The following DPY19L3 variants were observed in gnomAD, a reference collection of about 807,000 sequenced individuals.
DPY19L3 encodes protein C-mannosyl-transferase DPY19L3.
Under a neutral mutation model 92.3 loss-of-function variants are expected in DPY19L3, and 51 were observed. That is an observed-to-expected ratio of 0.55 (90% CI 0.44 to 0.70). The LOEUF is 0.70. Ranked by LOEUF, DPY19L3 falls within the 30% of genes least tolerant of loss-of-function variation. The probability of loss-of-function intolerance (pLI) is 0.00; values close to 1 mark genes in which losing one functional copy is unlikely to be tolerated. For missense variants in DPY19L3, 706 were observed against 855.9 expected, an observed-to-expected ratio of 0.82 and a Z score of 2.18; for synonymous variants, 309 against 315.2, an observed-to-expected ratio of 0.98 and a Z score of 0.21.
At chr19:32,432,844 A>C (rs768514277) in intron 4 of DPY19L3, 38 bp downstream of exon 4, 2 of 1,580,036 alleles carry the variant, frequency 1.3e-6, no homozygotes, top group African/African-American at 2.7e-5. Context: ...GGTCTCCTGC[A>C]TTTTTTTCAA....
Position 32,482,476 on chromosome 19 carries a change from A to G in DPY19L3, c.*236A>G, listed in dbSNP as rs1164620523. 1.8e-5 allele frequency: 8 copies of G among 451,750 alleles called. No individual in the cohort carries two copies. The highest frequency in any genetic ancestry group is 3.9e-5 in the Admixed American group (1 of 25,408). The allele number at this position is 451,750 out of a possible 1,614,324, so 28.0% of individuals were successfully genotyped here. ...ATGTTCTTTAGCCTAAATGTTAACAACTTTCTAAGAGTGACCTAGAATTAT... is the reference window on the plus strand; with the variant it reads ...ATGTTCTTTAGCCTAAATGTTAACAGCTTTCTAAGAGTGACCTAGAATTAT... On this transcript the variant is annotated 3_prime_UTR_variant, in exon 19 of 19. Transcript: ENST00000392250.
chr19:32,408,224 T>A lies in DPY19L3; in HGVS notation c.-30T>A, dbSNP rs943434576. The A allele has an allele frequency of 6.5e-7, 1 of 1,534,518 alleles. No individual in the cohort carries two copies. Among genetic ancestry groups the A allele is most frequent in the African/African-American group, 1.4e-5 (1 of 72,976 alleles). On this transcript the variant is annotated 5_prime_UTR_variant, in exon 2 of 19. It adds an upstream start codon to the 5' untranslated region. Coordinates refer to ENST00000392250, the MANE Select transcript of DPY19L3 (RefSeq NM_001172774.2). ...CTGTTTATTGCTATCTAGGAGTGAT[T>A]TGGAGAACAATGCATGTAAGTCTGA...
At chr19:32,463,741 A>G (rs1970114275) in intron 13 of DPY19L3, 128 bp from the exon 14 acceptor site, 1 of 902,554 alleles carries the variant, frequency 1.1e-6, no homozygotes, top group Admixed American at 2.3e-5. Context: ...CCTTCGGCAA[A>G]TGGCATCTGC....
At chr19:32,454,706 A>T (rs1045033185) in intron 9 of DPY19L3, among the ~76,000 whole-genome samples, 2 of 152,218 alleles carry the variant, frequency 1.3e-5, no homozygotes, top group Admixed American at 6.5e-5. Flanking sequence ...AAAGACTAGG[A>T]CACATTTCCT....
chr19:32,406,326 C>G (rs1193327006), intron 1 of DPY19L3: 1 of 152,366 alleles, frequency 6.6e-6, no homozygotes, highest in African/African-American at 2.4e-5. Context: ...GTGCCTGCCT[C>G]GTCCAGGGGA....
At chr19:32,461,914 G>A (rs1970052356) in intron 12 of DPY19L3, among the ~76,000 whole-genome samples, 1 of 152,200 alleles carries the variant, frequency 6.6e-6, no homozygotes, top group Admixed American at 6.5e-5. Context: ...GGTGTAATGT[G>A]ATGTGGAATA....
intron 3 of DPY19L3, among the ~76,000 whole-genome samples, chr19:32,428,445 A>T (rs1226858271): frequency 1.3e-5 from 2 of 152,138 alleles, no homozygotes; most frequent in African/African-American, 4.8e-5. Flanking sequence ...CTTCTAGTAC[A>T]TCATGGGTGA....
chr19:32,445,180 G>A (rs765278616), intron 8 of DPY19L3, among the ~76,000 whole-genome samples: 7 of 151,482 alleles, frequency 4.6e-5, no homozygotes, highest in East Asian at 1.9e-4. Flanking sequence ...AGTGGCTCAC[G>A]CCTGTAATCC....
chr19:32,410,349 TTTAAGCTTTCTTATATGTGCTATCC>T (rs1968134812), intron 2 of DPY19L3, among the ~76,000 whole-genome samples: 1 of 152,220 alleles, frequency 6.6e-6, no homozygotes. Flanking sequence ...GTTAAGGGTA[TTTAAGCTTTCTTATATGTGCTATCC>T]ATATTTTGCC....
chr19:32,436,189 C>CT (rs1266025535), intron 4 of DPY19L3, among the ~76,000 whole-genome samples: 1 of 152,088 alleles, frequency 6.6e-6, no homozygotes, highest in Non-Finnish European at 1.5e-5. Flanking sequence ...AGAGAAGGAC[C>CT]TTGTGGTGGT....
intron 3 of DPY19L3, among the ~76,000 whole-genome samples, chr19:32,419,450 C>T (rs1353251261): frequency 3.3e-5 from 5 of 151,466 alleles, no homozygotes; most frequent in African/African-American, 9.7e-5. Flanking sequence ...CATGAGCCAC[C>T]GTGCCCGGCC....
At chr19:32,427,292 C>T (rs187236274) in intron 3 of DPY19L3, among the ~76,000 whole-genome samples, 1 of 152,220 alleles carries the variant, frequency 6.6e-6, no homozygotes, top group East Asian at 1.9e-4. Flanking sequence ...ACCGCACCCC[C>T]GCATTCTTCT....
At chr19:32,480,792 A>G in intron 18 of DPY19L3, 1 of 582,492 alleles carries the variant, frequency 1.7e-6, no homozygotes, top group Non-Finnish European at 3.0e-6. Context: ...GTGTCACACC[A>G]AACAGAGCAG....
intron 4 of DPY19L3, among the ~76,000 whole-genome samples, chr19:32,433,926 AG>A (rs1361833974): frequency 6.6e-6 from 1 of 152,126 alleles, no homozygotes; most frequent in Non-Finnish European, 1.5e-5. Flanking sequence ...CTTATTTCAG[AG>A]GGGATGCAAA....
At chr19:32,433,715 G>A (rs1010594499) in intron 4 of DPY19L3, among the ~76,000 whole-genome samples, 10 of 152,108 alleles carry the variant, frequency 6.6e-5, no homozygotes, top group Non-Finnish European at 1.0e-4. Context: ...GAGCCACCGC[G>A]CCCAGCCCAT....
At chr19:32,468,501 A>G (rs1970261544) in intron 15 of DPY19L3, 9 of 1,189,766 alleles carry the variant, frequency 7.6e-6, no homozygotes, top group Non-Finnish European at 9.4e-6. Flanking sequence ...AGTTGGCGAT[A>G]CCTCACATCC....
At chr19:32,464,820 AT>A in intron 15 of DPY19L3, 36 bp downstream of exon 15, 7 of 1,356,252 alleles carry the variant, frequency 5.2e-6, no homozygotes, top group Non-Finnish European at 6.0e-6. Flanking sequence ...TCATTCATGT[AT>A]TTAGCAGAAT....
intron 12 of DPY19L3, among the ~76,000 whole-genome samples, chr19:32,462,408 A>G (rs1168114370): frequency 6.6e-6 from 1 of 152,202 alleles, no homozygotes; most frequent in African/African-American, 2.4e-5. Flanking sequence ...GGAATTTTCA[A>G]TTTAATATTT....
chr19:32,437,378 G>T (rs1252014038), intron 6 of DPY19L3, 39 bp downstream of exon 6: 1 of 1,574,958 alleles, frequency 6.3e-7, no homozygotes, highest in Non-Finnish European at 8.6e-7. Flanking sequence ...TTTCCAAAAT[G>T]TAAGTAAAAA....
Sources: allele counts gnomAD v4.1 joint callset (sites outside exome capture counted in the v4.1 genomes callset), GRCh38; gene constraint gnomAD v4.1.1; transcripts MANE v1.5; gene names NCBI Gene and HGNC (gene_info 2026-07-23, HGNC 2026-07-21).